The following SDR42E1 variants were observed in gnomAD, a reference collection of about 807,000 sequenced individuals.
SDR42E1 encodes the protein short-chain dehydrogenase/reductase family 42E member 1.
SDR42E1 carries 5 observed loss-of-function variants against 2.6 expected under a neutral mutation model. The ratio of observed to expected loss-of-function variants is 1.94; its 90% CI spans 1.01 to 4.08. SDR42E1 has a LOEUF of 4.08. Ranked by LOEUF, SDR42E1 falls within the 30% of genes most tolerant of loss-of-function variation. SDR42E1 has a pLI of 0.00. For synonymous variants in SDR42E1, 231 were observed against 188.3 expected (o/e 1.23, Z -1.86); for missense variants, 596 against 478.6 (o/e 1.25, Z -2.29).
intron 1 of SDR42E1, among the ~76,000 whole-genome samples, chr16:82,009,630 G>C (rs554110590): frequency 4.6e-5 from 7 of 152,244 alleles, no homozygotes; most frequent in Admixed American, 1.3e-4. Flanking sequence ...TATCTAGGAA[G>C]TAACTAACTT....
At chr16:82,005,589 G>A (rs1330268131) in intron 1 of SDR42E1, among the ~76,000 whole-genome samples, 1 of 152,166 alleles carries the variant, frequency 6.6e-6, no homozygotes, top group Non-Finnish European at 1.5e-5. Flanking sequence ...ATATACAGTT[G>A]TTCTTCAACC....
Position 81,999,900 on chromosome 16 carries a change from T to A in SDR42E1, c.393A>T (p.Gln131His). The change falls in exon 3 of 3, where the codon CAA becomes CAT. Residue 131 changes from glutamine to histidine, a missense_variant. Coordinates refer to ENST00000328945, the MANE Select transcript of SDR42E1 (RefSeq NM_145168.3). Reference protein sequence around the residue: ...TSTFNVIFGGQVIRNGDESLP... With the variant: ...TSTFNVIFGGHVIRNGDESLP... ...GAGATTCATCCCCATTTCTGATAAC[T>A]TGACCTCCAAAGATGACATTGAAAG... The A allele has an allele frequency of 1.2e-6, 2 of 1,614,206 alleles. No individual in the cohort carries two copies. The highest frequency in any genetic ancestry group is 2.2e-5 in the East Asian group (1 of 44,882).
chr16:82,003,997 G>C (rs547804840), intron 1 of SDR42E1, among the ~76,000 whole-genome samples: 1 of 152,252 alleles, frequency 6.6e-6, no homozygotes, highest in East Asian at 1.9e-4. Context: ...CATTAATACT[G>C]CCATTTTAAC....
rs745452567 is a variant in SDR42E1 at position 81,989,195 on chromosome 16, C to T, written c.*9916G>A. ...CATATGCTTATCATCTTTATATACC[C>T]GGTGACCTCCTATGTCAGCAAATAA... On this transcript the variant is annotated 3_prime_UTR_variant, in exon 3 of 3. Transcript: ENST00000328945. The T allele has an allele frequency of 2.0e-5, 3 of 152,108 alleles. No individual in the cohort carries two copies. Among genetic ancestry groups the T allele is most frequent in the South Asian group, 4.1e-4 (2 of 4,826 alleles). The allele number at this position is 152,108 out of a possible 1,614,324, so 9.4% of individuals were successfully genotyped here.
chr16:82,009,111 A>G (rs903687920), intron 1 of SDR42E1, among the ~76,000 whole-genome samples: 1 of 152,136 alleles, frequency 6.6e-6, no homozygotes, highest in Admixed American at 6.5e-5. Flanking sequence ...ACCTCTCCCT[A>G]GGTTTCAGAG....
rs192736255 is a variant in SDR42E1, at chr16:81,990,716, G to C, written c.*8395C>G. On this transcript the variant is annotated 3_prime_UTR_variant, in exon 3 of 3. Transcript: ENST00000328945. ...ACATTGCAAATAAGAGATGGCTCCA[G>C]GACAGGCATAAGGAAGTGCAAGCAA... 6.6e-6 allele frequency: 1 copy of C among 152,292 alleles called. No individual in the cohort carries two copies. Among genetic ancestry groups the C allele is most frequent in the East Asian group, 1.9e-4 (1 of 5,178 alleles). The allele number at this position is 152,292 out of a possible 1,614,324, so 9.4% of individuals were successfully genotyped here. A position where few individuals can be genotyped will look rare whatever the true frequency, so the allele number is the denominator to read the frequency against.
In SDR42E1 at chr16:81,994,781, T is replaced by C. The variant is rs1912503821; in HGVS notation, c.*4330A>G. The C allele has an allele frequency of 6.6e-6, 1 of 152,190 alleles. No individual in the cohort carries two copies. Among genetic ancestry groups the C allele is most frequent in the African/African-American group, 2.4e-5 (1 of 41,436 alleles). 9.4% of individuals were successfully genotyped at this position (152,190 alleles called of 1,614,324 possible). On this transcript the variant is annotated 3_prime_UTR_variant, in exon 3 of 3. Transcript: ENST00000328945. ...TGTAAGGCTGGGCGAACCGGAGATT[T>C]GGAAAGCAATACAAGGTAGAAGCAG...
chr16:81,999,389 C>G lies in SDR42E1; in HGVS notation c.904G>C (p.Gly302Arg). ...AAGGGCTGGAAGTTGTAGAGTCGAC[C>G]CAAAATGAAGTGAACCATCTCTGTT... ...FLTEMVHFIL[G>R]RLYNFQPFLT... The change falls in exon 3 of 3, where the codon GGT (glycine) becomes CGT (arginine). Residue 302 changes from glycine (G) to arginine (R), a missense_variant. Physicochemically the swap from Gly to Arg is moderately radical, Grantham distance 125. Coordinates refer to ENST00000328945, the MANE Select transcript of SDR42E1 (RefSeq NM_145168.3). The G allele has an allele frequency of 6.2e-7, 1 of 1,614,174 alleles. No individual in the cohort carries two copies. The highest frequency in any genetic ancestry group is 8.5e-7 in the Non-Finnish European group (1 of 1,180,042).
At chr16:82,002,032 G>T (rs1432648021) in intron 1 of SDR42E1, among the ~76,000 whole-genome samples, 1 of 150,822 alleles carries the variant, frequency 6.6e-6, no homozygotes, top group Non-Finnish European at 1.5e-5. Flanking sequence ...TCAGAGGTGT[G>T]GTTAGGCATG....
chr16:81,991,901 A>G lies in SDR42E1; in HGVS notation c.*7210T>C, dbSNP rs960348771. ...TTAAAGACATTAAGAAAGCTAAATA[A>G]GCCTAAGAAATAAAGAAAGCCTCAG... On this transcript the variant is annotated 3_prime_UTR_variant, in exon 3 of 3. Transcript: ENST00000328945. The G allele has an allele frequency of 1.3e-5, 2 of 152,126 alleles. No homozygotes were observed. Among genetic ancestry groups the G allele is most frequent in the Admixed American group, 1.3e-4 (2 of 15,264 alleles). The allele number at this position is 152,126 out of a possible 1,614,324, so 9.4% of individuals were successfully genotyped here. A position where few individuals can be genotyped will look rare whatever the true frequency, so the allele number is the denominator to read the frequency against.
chr16:82,008,721 GA>G (rs1913029678), intron 1 of SDR42E1, among the ~76,000 whole-genome samples: 1 of 152,178 alleles, frequency 6.6e-6, no homozygotes, highest in African/African-American at 2.4e-5. Flanking sequence ...TGATACAAAA[GA>G]AAAGAAAAAC....
In SDR42E1 at chr16:81,999,641, T is replaced by C. The variant is rs201605218; in HGVS notation, c.652A>G (p.Ser218Gly). 85 of 1,614,034 alleles carry C rather than the reference T, an allele frequency of 5.3e-5. No individual in the cohort carries two copies. The highest frequency in any genetic ancestry group is 6.9e-5 in the Non-Finnish European group (81 of 1,180,032). ...TCCACGTGGACAAACTCAACCAGGC[T>C]CCTGGGGTCCCCGTAGACAAACTTG... ...LFKFVYGDPRSLVEFVHVDNL... is the reference protein window; with the variant it reads ...LFKFVYGDPRGLVEFVHVDNL... Residue 218 changes from serine to glycine, a missense_variant, in exon 3 of 3, where the codon AGC becomes GGC. Physicochemically the swap from Ser to Gly is moderately conservative, Grantham distance 56 (BLOSUM62 0). Coordinates refer to ENST00000328945, the MANE Select transcript of SDR42E1 (RefSeq NM_145168.3).
In SDR42E1 at chr16:81,993,591, G is replaced by A. The variant is rs1222460392; in HGVS notation, c.*5520C>T. On this transcript the variant is annotated 3_prime_UTR_variant, in exon 3 of 3. Transcript: ENST00000328945. Reference sequence around the variant, plus strand: ...GCCTTGAATGTTCTTATTGCCTCAGGCTGGGAGTCTCAGGTGTAAAAGAAG... The same window carrying A: ...GCCTTGAATGTTCTTATTGCCTCAGACTGGGAGTCTCAGGTGTAAAAGAAG... 1 of 152,092 alleles carries A rather than the reference G, an allele frequency of 6.6e-6. No homozygotes were observed. The highest frequency in any genetic ancestry group is 1.5e-5 in the Non-Finnish European group (1 of 68,030). The allele number at this position is 152,092 out of a possible 1,614,324, so 9.4% of individuals were successfully genotyped here. A position where few individuals can be genotyped will look rare whatever the true frequency, so the allele number is the denominator to read the frequency against.
intron 1 of SDR42E1, among the ~76,000 whole-genome samples, chr16:82,010,078 A>G (rs1215637274): frequency 6.6e-6 from 1 of 152,234 alleles, no homozygotes; most frequent in Admixed American, 6.5e-5. Flanking sequence ...TGGCATGATT[A>G]TGAGGCTTCC....
chr16:82,005,913 C>T (rs568998560), intron 1 of SDR42E1, among the ~76,000 whole-genome samples: 3 of 151,968 alleles, frequency 2.0e-5, no homozygotes, highest in East Asian at 1.9e-4. Context: ...TAAGGTAAAG[C>T]GAGGGTAATA....
intron 1 of SDR42E1, among the ~76,000 whole-genome samples, chr16:82,010,666 G>A (rs1913096771): frequency 6.6e-6 from 1 of 152,110 alleles, no homozygotes; most frequent in African/African-American, 2.4e-5. Context: ...CCCGTTTCGA[G>A]TTGTCCCGCC....
intron 1 of SDR42E1, among the ~76,000 whole-genome samples, chr16:82,004,660 C>T (rs975726256): frequency 4.6e-5 from 7 of 152,186 alleles, no homozygotes; most frequent in African/African-American, 1.7e-4. Context: ...GCCATGATGC[C>T]TGGCTAATTG....
intron 1 of SDR42E1, among the ~76,000 whole-genome samples, chr16:82,006,972 G>A (rs1046104791): frequency 1.3e-5 from 2 of 152,356 alleles, no homozygotes; most frequent in African/African-American, 4.8e-5. Flanking sequence ...CACCTGAGGT[G>A]TTTCAAATCT....
intron 1 of SDR42E1, among the ~76,000 whole-genome samples, chr16:82,007,019 G>A (rs891006445): frequency 1.3e-5 from 2 of 152,190 alleles, no homozygotes; most frequent in Non-Finnish European, 2.9e-5. Flanking sequence ...GATACTTGTG[G>A]CACAAGTGCC....
Sources: gnomAD v4.1 joint callset for allele counts (sites outside exome capture counted in the v4.1 genomes callset) on GRCh38, gnomAD v4.1.1 for gene constraint, MANE v1.5 for transcripts, NCBI Gene and HGNC (gene_info 2026-07-23, HGNC 2026-07-21) for gene names.